The following TGM5 variants were observed in gnomAD, a reference collection of about 807,000 sequenced individuals.
TGM5 encodes transglutaminase 5.
A neutral mutation model predicts 77.2 loss-of-function variants in TGM5; 69 were observed. The observed-to-expected ratio is 0.89, with a 90% CI of 0.74 to 1.09. The LOEUF is 1.09. Ranked by LOEUF, TGM5 falls within the 50% of genes least tolerant of loss-of-function variation. The pLI is 0.00. For missense variants in TGM5, 842 were observed against 896.5 expected (o/e 0.94, Z 0.78); for synonymous variants, 346 against 351.8 (o/e 0.98, Z 0.18).
At chr15:43,235,081 C>A in intron 10 of TGM5, 152 bp from the exon 11 acceptor site, 1 of 979,454 alleles carries the variant, frequency 1.0e-6, no homozygotes, top group South Asian at 1.6e-5. Flanking sequence ...AGGAAATGAG[C>A]TGAAAAGAGC....
At chr15:43,259,385 G>A (rs1440918662) in intron 3 of TGM5, among the ~76,000 whole-genome samples, 1 of 151,374 alleles carries the variant, frequency 6.6e-6, no homozygotes, top group East Asian at 1.9e-4. Context: ...TCCAAACAGT[G>A]AAATAATTGT....
chr15:43,244,243 A>C (rs1214235119), intron 6 of TGM5, among the ~76,000 whole-genome samples: 3 of 152,224 alleles, frequency 2.0e-5, no homozygotes, highest in African/African-American at 7.2e-5. Flanking sequence ...GCCAAATTAC[A>C]AATCCCCCTA....
intron 7 of TGM5, 49 bp downstream of exon 7, chr15:43,240,803 T>C: frequency 6.2e-7 from 1 of 1,612,280 alleles, no homozygotes. Flanking sequence ...GCCATGGGGC[T>C]TGGCTCTGAT....
At chr15:43,240,773 C>T in intron 7 of TGM5, 79 bp downstream of exon 7, 2 of 1,595,536 alleles carry the variant, frequency 1.3e-6, no homozygotes, top group South Asian at 1.1e-5. Context: ...GCTCATGGAC[C>T]TCGTTCTGCC....
intron 1 of TGM5, among the ~76,000 whole-genome samples, chr15:43,261,097 T>TTTTTTG (rs2042787380): frequency 1.0e-5 from 1 of 97,422 alleles, no homozygotes; most frequent in African/African-American, 5.1e-5. Context: ...TTTTTTTTTT[T>TTTTTTG]TTTTTTTTTT....
Position 43,238,836 on chromosome 15 carries a change from C to T in TGM5, c.1326G>A (p.Glu442=). 1.9e-6 allele frequency: 3 copies of T among 1,614,050 alleles called. No homozygotes were observed. Among genetic ancestry groups the T allele is most frequent in the Non-Finnish European group, 2.5e-6 (3 of 1,179,994 alleles). Residue 442 remains glutamate (E), a synonymous_variant, in exon 9 of 13, where the codon GAG becomes GAA. Transcript: ENST00000220420. ...ACTTACCTTCTTCATACTTGTAGTT[C>T]TCTGTGATGTCATCCCGCTCGTCAC... The part of the protein sequence containing the change: ...IQSDERDDIT[E]NYKYEEGSLQ...
chr15:43,256,008 T>G (rs1170179184), intron 4 of TGM5, among the ~76,000 whole-genome samples: 1 of 152,198 alleles, frequency 6.6e-6, no homozygotes, highest in Non-Finnish European at 1.5e-5. Flanking sequence ...TAAACAAGCA[T>G]GTATTAACTT....
chr15:43,256,077 G>C (rs1200777869), intron 4 of TGM5, among the ~76,000 whole-genome samples: 1 of 152,210 alleles, frequency 6.6e-6, no homozygotes, highest in Non-Finnish European at 1.5e-5. Context: ...AGTAGCCATG[G>C]GGAGGGAGAT....
chr15:43,236,675 TG>T (rs1332343484), intron 9 of TGM5, among the ~76,000 whole-genome samples: 1 of 151,958 alleles, frequency 6.6e-6, no homozygotes, highest in Non-Finnish European at 1.5e-5. Flanking sequence ...TCAGTAAGAG[TG>T]GGCCCACAGG....
intron 6 of TGM5, among the ~76,000 whole-genome samples, chr15:43,243,801 G>A (rs937548401): frequency 6.6e-6 from 1 of 152,254 alleles, no homozygotes; most frequent in Middle Eastern, 3.4e-3. Context: ...AGCCTTCTCG[G>A]TCTTCCTTTC....
intron 1 of TGM5, among the ~76,000 whole-genome samples, chr15:43,261,116 GTC>G (rs1181875417): frequency 1.4e-5 from 1 of 71,478 alleles, no homozygotes; most frequent in East Asian, 4.6e-4. Flanking sequence ...TTGAGACAGA[GTC>G]TCACACTGTT....
Position 43,235,606 on chromosome 15 carries a change from A to G in TGM5, c.1577T>C (p.Val526Ala). ...PPNMGQDICFVLLALNMSSQF... is the reference protein window; with the variant it reads ...PPNMGQDICFALLALNMSSQF... ...GGAGGACATGTTGAGGGCCAGCAGG[A>G]CAAAGCATATATCCTGGCCCATGTT... Residue 526 changes from valine (V) to alanine (A), a missense_variant, in exon 10 of 13, where the codon GTC (valine) becomes GCC (alanine). Val to Ala is a moderately conservative substitution (Grantham distance 64, BLOSUM62 0). This residue lies in a region of TGM5 where 815 missense variants were observed against 844.6 expected (regional missense o/e 0.96). Transcript: ENST00000220420. 8 of 1,614,256 alleles carry G rather than the reference A, an allele frequency of 5.0e-6. No homozygotes were observed. The highest frequency in any genetic ancestry group is 6.8e-6 in the Non-Finnish European group (8 of 1,180,048).
rs1413213595 is a variant in TGM5 at position 43,233,633 on chromosome 15, T to A, written c.1930A>T (p.Asn644Tyr). The A allele has an allele frequency of 1.2e-6, 2 of 1,614,072 alleles. No individual in the cohort carries two copies. Among genetic ancestry groups the A allele is most frequent in the African/African-American group, 2.7e-5 (2 of 74,922 alleles). ...TCCTCAACCTGCTCCGAGAGGGGGT[T>A]TGAAAATATCACCTGTATGGAGAGT... Reference protein sequence around the residue: ...QPLSIQVIFSNPLSEQVEDCV... With the variant: ...QPLSIQVIFSYPLSEQVEDCV... The change falls in exon 12 of 13, where the codon AAC becomes TAC. Residue 644 changes from asparagine (N) to tyrosine (Y), a missense_variant. Physicochemically the swap from Asn to Tyr is moderately radical, Grantham distance 143 (BLOSUM62 -2). Around this residue, in one of 2 missense-constraint regions of TGM5, gnomAD observed 815 missense variants for 844.6 expected, o/e 0.96. Coordinates refer to ENST00000220420, the MANE Select transcript of TGM5 (RefSeq NM_201631.4).
chr15:43,253,085 G>T, intron 5 of TGM5, 149 bp from the exon 6 acceptor site: 1 of 852,236 alleles, frequency 1.2e-6, no homozygotes, highest in Non-Finnish European at 1.9e-6. Context: ...TGCTGGGGAG[G>T]GCTAAGGATG....
intron 5 of TGM5, 43 bp downstream of exon 5, chr15:43,253,463 G>A (rs568365481): frequency 3.2e-5 from 51 of 1,604,900 alleles, no homozygotes; most frequent in Admixed American, 1.2e-4. Context: ...CAGGGCTCCC[G>A]CTGCACAGCT....
At chr15:43,248,412 T>C (rs1252808866) in intron 6 of TGM5, among the ~76,000 whole-genome samples, 3 of 152,198 alleles carry the variant, frequency 2.0e-5, no homozygotes, top group Non-Finnish European at 4.4e-5. Context: ...GACCTGGTGA[T>C]TCCCCTGCCT....
chr15:43,232,999 G>C lies in TGM5; in HGVS notation c.*192C>G. Reference sequence around the variant, plus strand: ...GTATAGGGGTAGTAAACAAAGCAAAGTCTTTGCCCTCATGGAGCTTAAATT... The same window carrying C: ...GTATAGGGGTAGTAAACAAAGCAAACTCTTTGCCCTCATGGAGCTTAAATT... On this transcript the variant is annotated 3_prime_UTR_variant, in exon 13 of 13. Coordinates refer to ENST00000220420, the MANE Select transcript of TGM5 (RefSeq NM_201631.4). The C allele has an allele frequency of 1.5e-6, 1 of 680,854 alleles. No individual in the cohort carries two copies. The highest frequency in any genetic ancestry group is 1.9e-5 in the South Asian group (1 of 52,108). The allele number at this position is 680,854 out of a possible 1,614,324, so 42.2% of individuals were successfully genotyped here.
At chr15:43,266,684 A>T (rs1014347471) in intron 1 of TGM5, among the ~76,000 whole-genome samples, 156 bp downstream of exon 1, 1 of 152,192 alleles carries the variant, frequency 6.6e-6, no homozygotes, top group Non-Finnish European at 1.5e-5. Flanking sequence ...CAAGCCACCA[A>T]TGAATACTGA....
In TGM5 at chr15:43,266,825, A is replaced by G; in HGVS notation, c.10+15T>C. On this transcript the variant is annotated intron_variant, in intron 1 of 12. Transcript: ENST00000220420. The stretch of plus-strand genomic sequence containing the variant: ...CTTATCCCTGAACTCCAGTGGCCAC[A>G]GGGGCTTTCCCTACCTTGGGCCATG... The G allele has an allele frequency of 6.2e-7, 1 of 1,614,104 alleles. No homozygotes were observed. The highest frequency in any genetic ancestry group is 8.5e-7 in the Non-Finnish European group (1 of 1,180,000).
Sources: gnomAD v4.1 joint callset for allele counts (sites outside exome capture counted in the v4.1 genomes callset) on GRCh38, gnomAD v4.1.1 for gene constraint, gnomAD v4.1.1 regional missense constraint, MANE v1.5 for transcripts, NCBI Gene and HGNC (gene_info 2026-07-23, HGNC 2026-07-21) for gene names.